Variants in RUNX3 observed in about 807,000 individuals in gnomAD.
RUNX3 encodes the protein runt-related transcription factor 3.
In RUNX3, 10 loss-of-function variants were observed where a neutral mutation model predicts 27.7. The ratio of observed to expected loss-of-function variants is 0.36; its 90% CI spans 0.22 to 0.61. The LOEUF (loss-of-function observed/expected upper bound fraction) is 0.61. Ranked by LOEUF, RUNX3 falls within the 20% of genes least tolerant of loss-of-function variation. The probability of loss-of-function intolerance (pLI) is 0.72; values close to 1 mark genes in which losing one functional copy is unlikely to be tolerated. For synonymous variants in RUNX3, 270 were observed against 269.2 expected (o/e 1.00, Z -0.03); for missense variants, 469 against 629.5 (o/e 0.75, Z 2.73).
At chr1:24,922,782 CAAAA>C (rs57671911) in intron 2 of RUNX3, among the ~76,000 whole-genome samples, 4 of 21,538 alleles carry the variant, frequency 1.9e-4, no homozygotes, top group South Asian at 2.5e-3. Context: ...GCCCACAGGG[CAAAA>C]AAAAAAAAAA....
At chr1:24,945,026 A>G (rs1448655447) in intron 2 of RUNX3, among the ~76,000 whole-genome samples, 2 of 152,308 alleles carry the variant, frequency 1.3e-5, no homozygotes, top group East Asian at 1.9e-4. Flanking sequence ...CTGATACACA[A>G]TAGCTTGACT....
intron 2 of RUNX3, among the ~76,000 whole-genome samples, chr1:24,926,347 A>G (rs866466063): frequency 6.6e-6 from 1 of 152,278 alleles, no homozygotes; most frequent in African/African-American, 2.4e-5. Context: ...TTTTCCATCC[A>G]TCAACCTGCA....
chr1:24,964,593 G>T (rs759857024), exon 2 of RUNX3: 1 of 1,602,782 alleles, frequency 6.2e-7, no homozygotes, highest in South Asian at 1.1e-5. Flanking sequence ...AAGAAGGCGA[G>T]AATTTTCAGC....
At chr1:24,955,913 T>C (rs1226037479) in intron 2 of RUNX3, among the ~76,000 whole-genome samples, 3 of 152,242 alleles carry the variant, frequency 2.0e-5, no homozygotes, top group South Asian at 2.1e-4. Flanking sequence ...TAAATGTTCA[T>C]TGAATGAATC....
chr1:24,910,646 G>C (rs1011523308), intron 3 of RUNX3, among the ~76,000 whole-genome samples: 18 of 152,340 alleles, frequency 1.2e-4, no homozygotes, highest in African/African-American at 4.3e-4. Context: ...GTATCTGGGA[G>C]CCTCAGAAAG....
chr1:24,911,818 C>T (rs918956711), intron 3 of RUNX3, among the ~76,000 whole-genome samples: 6 of 152,228 alleles, frequency 3.9e-5, no homozygotes, highest in Non-Finnish European at 4.4e-5. Flanking sequence ...GCGCCTGTTC[C>T]GGGACCCAGG....
chr1:24,914,296 G>T (rs1019445659), intron 3 of RUNX3, among the ~76,000 whole-genome samples: 1 of 152,210 alleles, frequency 6.6e-6, no homozygotes, highest in Non-Finnish European at 1.5e-5. Context: ...GAAGCCACTC[G>T]GCAGCCTTCT....
chr1:24,960,600 G>A (rs1194427792), intron 2 of RUNX3, among the ~76,000 whole-genome samples: 1 of 152,196 alleles, frequency 6.6e-6, no homozygotes, highest in African/African-American at 2.4e-5. Context: ...GGCACCCACT[G>A]CCAGTGTCCC....
At chr1:24,924,348 G>A (rs116111827) in intron 2 of RUNX3, among the ~76,000 whole-genome samples, 7,009 of 152,026 alleles carry the variant, frequency 0.046, 476 homozygotes, top group African/African-American at 0.15. Flanking sequence ...GCGACAGAGC[G>A]AGACCTTGTC....
Position 24,919,332 on chromosome 1 carries a change from G to T in RUNX3, c.452C>A (p.Thr151Asn). Reference sequence around the variant, plus strand: ...GTTGGTGAACACAGTGATGGTCAGGGTGAAACTCTTCCCTGGGGAGAGTGG... The same window carrying T: ...GTTGGTGAACACAGTGATGGTCAGGTTGAAACTCTTCCCTGGGGAGAGTGG... ...VGRSGRGKSFTLTITVFTNPT... is the reference protein window; with the variant it reads ...VGRSGRGKSFNLTITVFTNPT... The change falls in exon 3 of 5, where the codon ACC becomes AAC. Residue 151 changes from threonine to asparagine, a missense_variant. Around this residue, in one of 3 missense-constraint regions of RUNX3, gnomAD observed 75 missense variants for 168.5 expected, o/e 0.45. Coordinates refer to ENST00000308873, the MANE Select transcript of RUNX3 (RefSeq NM_004350.3). The T allele has an allele frequency of 1.2e-6, 2 of 1,610,674 alleles. No homozygotes were observed. Among genetic ancestry groups the T allele is most frequent in the Non-Finnish European group, 1.7e-6 (2 of 1,178,082 alleles).
chr1:24,930,263 C>T lies in RUNX3; in HGVS notation c.-395G>A, dbSNP rs2124309924. On this transcript the variant is annotated 5_prime_UTR_variant, in exon 1 of 5. Coordinates refer to ENST00000308873, the MANE Select transcript of RUNX3 (RefSeq NM_004350.3). This position sits in a 1 kb window ranked among gnomAD's most constrained non-coding sequence, Gnocchi z 4.1. ...GGCCGCAGCCCCAGAACAAATCCTC[C>T]AGAATCAAGTGGCGGGGCCGCGGCC... The T allele has an allele frequency of 1.0e-6, 1 of 983,506 alleles. No homozygotes were observed. Among genetic ancestry groups the T allele is most frequent in the Non-Finnish European group, 1.2e-6 (1 of 828,832 alleles). 60.9% of individuals were successfully genotyped at this position (983,506 alleles called of 1,614,324 possible). A position where few individuals can be genotyped will look rare whatever the true frequency, so the allele number is the denominator to read the frequency against.
intron 2 of RUNX3, among the ~76,000 whole-genome samples, chr1:24,946,696 C>A (rs1641616830): frequency 6.6e-6 from 1 of 152,118 alleles, no homozygotes; most frequent in South Asian, 2.1e-4. Context: ...TTCCTTAGGA[C>A]AGATTCTGGG....
intron 2 of RUNX3, among the ~76,000 whole-genome samples, chr1:24,958,025 G>T (rs561231762): frequency 2.6e-5 from 4 of 152,238 alleles, no homozygotes; most frequent in Non-Finnish European, 4.4e-5. Context: ...AGGGCTTGGC[G>T]CTGGAGAAAG....
At position 24,930,101 on chromosome 1, in the gene RUNX3, TC is replaced by T. The variant is rs1641188352; in HGVS notation, c.-234del. On this transcript the variant is annotated 5_prime_UTR_variant, in exon 1 of 5. Transcript: ENST00000308873. This position sits in a 1 kb window ranked among gnomAD's most constrained non-coding sequence, Gnocchi z 4.1. ...CGCAGCCTGCCCGGCTAGTCCCGCA[TC>T]CTCGGCGCGCGGCCCCGCGTGCGGC... The T allele has an allele frequency of 1.0e-6, 1 of 977,606 alleles. No homozygotes were observed. Among genetic ancestry groups the T allele is most frequent in the Non-Finnish European group, 1.2e-6 (1 of 827,220 alleles). 60.6% of individuals were successfully genotyped at this position (977,606 alleles called of 1,614,324 possible).
chr1:24,929,752 C>G lies in RUNX3; in HGVS notation c.117G>C (p.Gln39His). 2.7e-6 allele frequency: 4 copies of G among 1,468,750 alleles called. No homozygotes were observed. The highest frequency in any genetic ancestry group is 3.6e-6 in the Non-Finnish European group (4 of 1,119,422). The allele number at this position is 1,468,750 out of a possible 1,614,324, so 91.0% of individuals were successfully genotyped here. The change falls in exon 1 of 5, where the codon CAG becomes CAC. Residue 39 changes from glutamine to histidine, a missense_variant. Physicochemically the swap from Gln to His is conservative, Grantham distance 24 (BLOSUM62 0). This residue lies in a region of RUNX3 where 115 missense variants were observed against 118.0 expected (regional missense o/e 0.97). Transcript: ENST00000308873. ...CGCGCCCTCCGGGCCCCACGGCCGC[C>G]TGCGCGCTCAGCGCGCCGCTGTTCT... ...MGENSGALSA[Q>H]AAVGPGGRAR...
chr1:24,907,270 G>T lies in RUNX3; in HGVS notation c.692C>A (p.Thr231Asn). 6.2e-7 allele frequency: 1 copy of T among 1,611,034 alleles called. No individual in the cohort carries two copies. The highest frequency in any genetic ancestry group is 8.5e-7 in the Non-Finnish European group (1 of 1,179,990). The change falls in exon 4 of 5, where the codon ACC becomes AAC. Residue 231 changes from threonine (T) to asparagine (N), a missense_variant. By Grantham distance (65) the Thr-to-Asn change is moderately conservative (BLOSUM62 0). Coordinates refer to ENST00000308873, the MANE Select transcript of RUNX3 (RefSeq NM_004350.3). ...TTSHFSSQPQ[T>N]PIQGTSELNP... ...CCTCCGTGCCGTACCTTGGATTGGGGTCTGGGGCTGGCTGCTGAAGTGGCT... is the reference window on the plus strand; with the variant it reads ...CCTCCGTGCCGTACCTTGGATTGGGTTCTGGGGCTGGCTGCTGAAGTGGCT...
Position 24,907,330 on chromosome 1 carries a change from C to G in RUNX3, c.632G>C (p.Ser211Thr). The G allele has an allele frequency of 1.2e-6, 2 of 1,613,492 alleles. No individual in the cohort carries two copies. The highest frequency in any genetic ancestry group is 1.7e-6 in the Non-Finnish European group (2 of 1,180,016). The change falls in exon 4 of 5, where the codon AGC becomes ACC. Residue 211 changes from serine (S) to threonine (T), a missense_variant. This residue lies in a region of RUNX3 where 279 missense variants were observed against 343.0 expected (regional missense o/e 0.81). Transcript: ENST00000308873. ...LERLRMRVTP[S>T]TPSPRGSLST... ...GAGTGAGCCTCGGGGGCTGGGTGTGCTCGGTGTCACCCGCATGCGCAGCCG... is the reference window on the plus strand; with the variant it reads ...GAGTGAGCCTCGGGGGCTGGGTGTGGTCGGTGTCACCCGCATGCGCAGCCG...
intron 3 of RUNX3, among the ~76,000 whole-genome samples, chr1:24,911,023 G>T (rs947081395): frequency 6.6e-6 from 1 of 152,234 alleles, no homozygotes; most frequent in African/African-American, 2.4e-5. Flanking sequence ...TACGGCCAGA[G>T]CTTCCAATTC....
chr1:24,925,244 C>A (rs1641076450), intron 2 of RUNX3, among the ~76,000 whole-genome samples: 1 of 152,064 alleles, frequency 6.6e-6, no homozygotes, highest in Non-Finnish European at 1.5e-5. Flanking sequence ...GCCAGCGGAC[C>A]CGGCACCCTC....
Sources: gnomAD v4.1 joint callset for allele counts (sites outside exome capture counted in the v4.1 genomes callset) on GRCh38, gnomAD v4.1.1 for gene constraint, gnomAD v4.1.1 regional missense constraint, Gnocchi (gnomAD v3.1) non-coding constraint, MANE v1.5 for transcripts, NCBI Gene and HGNC (gene_info 2026-07-23, HGNC 2026-07-21) for gene names.